The following PLEKHG1 variants were observed in gnomAD, a reference collection of about 807,000 sequenced individuals.
PLEKHG1 encodes pleckstrin homology and RhoGEF domain containing G1, also known as pleckstrin homology domain-containing family G member 1.
PLEKHG1 carries 44 observed loss-of-function variants against 100.8 expected under a neutral mutation model. That is an observed-to-expected ratio of 0.44 (90% confidence interval 0.34 to 0.56). The LOEUF (loss-of-function observed/expected upper bound fraction) is 0.56, where lower values mean the gene tolerates loss of function less well. Among genes scored for constraint, PLEKHG1 ranks in the 20% least tolerant of loss-of-function variants. The pLI is 0.01. For synonymous variants in PLEKHG1, 640 were observed against 662.5 expected (o/e 0.97, Z 0.52); for missense variants, 1,545 against 1,720.9 (o/e 0.90, Z 1.81).
At position 150,622,495 on chromosome 6, in the gene PLEKHG1, G is replaced by A. The variant is rs114758560; in HGVS notation, c.-203-15585G>A. ...TCCCAGGCAGCATAGAGCCACCTCC[G>A]GAATTCTCCCCACCCTACCACTGTT... On this transcript the variant is annotated intron_variant, in intron 1 of 3. Transcript: ENST00000367326. Among the ~76,000 whole-genome samples, 902 of 152,156 alleles carry A rather than the reference G, an allele frequency of 5.9e-3. 8 individuals are homozygous for A. Among genetic ancestry groups the A allele is most frequent in the African/African-American group, 0.021 (868 of 41,510 alleles).
Position 150,831,445 on chromosome 6 carries a change from T to C in PLEKHG1, c.2334T>C (p.Cys778=). ...GTCTGGAGGCCGACTTCGTGTGCTG[T>C]GACAGCCTGAGGCCATTTGTTTCCC... The change falls in exon 15 of 16, where the codon TGT becomes TGC. Residue 778 remains cysteine (C), a synonymous_variant. Coordinates refer to ENST00000358517, the Ensembl canonical transcript of PLEKHG1. This position sits in a 1 kb window ranked among gnomAD's most constrained non-coding sequence, Gnocchi z 4.1. 1 of 1,614,166 alleles carries C rather than the reference T, an allele frequency of 6.2e-7. No individual in the cohort carries two copies. The highest frequency in any genetic ancestry group is 8.5e-7 in the Non-Finnish European group (1 of 1,180,040).
rs779851602 is a variant in PLEKHG1 at position 150,831,909 on chromosome 6, G to A, written c.2798G>A (p.Arg933Gln). 1.2e-5 allele frequency: 19 copies of A among 1,614,010 alleles called. No individual in the cohort carries two copies. The highest frequency in any genetic ancestry group is 4.5e-5 in the East Asian group (2 of 44,880). The change falls in exon 15 of 16, where the codon CGG becomes CAG. Residue 933 changes from arginine (R) to glutamine (Q), a missense_variant. Physicochemically the swap from Arg to Gln is conservative, Grantham distance 43 (BLOSUM62 1). Coordinates refer to ENST00000358517, the Ensembl canonical transcript of PLEKHG1. This position sits in a 1 kb window ranked among gnomAD's most constrained non-coding sequence, Gnocchi z 4.1. ...GAAGGCTCCTTTATGAGCCTTAACC[G>A]GCTTTCTCTGGCTAGTGAAATGCCC...
intron 3 of PLEKHG1, among the ~76,000 whole-genome samples, chr6:150,710,769 C>G (rs1193232587): frequency 6.6e-6 from 1 of 152,168 alleles, no homozygotes; most frequent in Non-Finnish European, 1.5e-5. Context: ...GGAAGTAAAG[C>G]AGCCTGGATG....
intron 13 of PLEKHG1, among the ~76,000 whole-genome samples, 181 bp from the exon 15 acceptor site, chr6:150,823,473 T>TG (rs1776418768): frequency 6.6e-6 from 1 of 152,084 alleles, no homozygotes; most frequent in African/African-American, 2.4e-5. Context: ...TGATGTAGTG[T>TG]GGGGGTATGC....
chr6:150,838,056 C>G (rs1178732582), intron 15 of PLEKHG1, among the ~76,000 whole-genome samples: 1 of 152,192 alleles, frequency 6.6e-6, no homozygotes, highest in African/African-American at 2.4e-5. Context: ...CACACAATAA[C>G]AGGTTGTTTC....
chr6:150,766,477 G>T (rs1310220306), intron 2 of PLEKHG1, among the ~76,000 whole-genome samples: 1 of 152,186 alleles, frequency 6.6e-6, no homozygotes, highest in Non-Finnish European at 1.5e-5. Flanking sequence ...GCTAGTCTAG[G>T]GTTAAAGTAT....
At chr6:150,631,556 A>G (rs190960371) in intron 1 of PLEKHG1, among the ~76,000 whole-genome samples, 2 of 152,318 alleles carry the variant, frequency 1.3e-5, no homozygotes, top group Non-Finnish European at 2.9e-5. Flanking sequence ...TTAGGTCAAT[A>G]TGCTGGAAGT....
chr6:150,664,823 G>A (rs769770514), intron 3 of PLEKHG1, among the ~76,000 whole-genome samples: 1 of 152,132 alleles, frequency 6.6e-6, no homozygotes. Context: ...CACATTCATC[G>A]CAGAATTGGG....
chr6:150,665,833 A>G (rs754555143), intron 3 of PLEKHG1, among the ~76,000 whole-genome samples: 6 of 152,052 alleles, frequency 3.9e-5, no homozygotes, highest in African/African-American at 1.4e-4. Context: ...TTGGCCAACC[A>G]GGGGAGTTGG....
At chr6:150,788,971 A>G (rs1301939310) in intron 4 of PLEKHG1, among the ~76,000 whole-genome samples, 2 of 152,340 alleles carry the variant, frequency 1.3e-5, no homozygotes, top group Non-Finnish European at 2.9e-5. Context: ...TAGTCATATG[A>G]TTAGAGTGAA....
Position 150,620,014 on chromosome 6 carries a change from G to A in PLEKHG1, c.-203-18066G>A, listed in dbSNP as rs529010370. ...CGTTTTTGTTATCTCATTAACACCAGCATTTATGATGCTGCATTTTCTGTA... is the reference window on the plus strand; with the variant it reads ...CGTTTTTGTTATCTCATTAACACCAACATTTATGATGCTGCATTTTCTGTA... On this transcript the variant is annotated intron_variant, in intron 1 of 3. Transcript: ENST00000367326. Among the ~76,000 whole-genome samples, 3 of 152,270 alleles carry A rather than the reference G, an allele frequency of 2.0e-5. No individual in the cohort carries two copies. The South Asian group carries it at 6.2e-4, about 32-fold the overall frequency.
intron 1 of PLEKHG1, among the ~76,000 whole-genome samples, chr6:150,604,641 G>A (rs10484776): frequency 0.11 from 17,268 of 152,212 alleles, 1,245 homozygotes; most frequent in South Asian, 0.2. Context: ...ATCATAGACG[G>A]ACTTATAATC....
At chr6:150,762,150 T>G (rs1050032464) in intron 2 of PLEKHG1, among the ~76,000 whole-genome samples, 4 of 152,098 alleles carry the variant, frequency 2.6e-5, no homozygotes, top group Non-Finnish European at 5.9e-5. Flanking sequence ...AAGATCAGCC[T>G]CTGTCATATC....
chr6:150,820,360 A>G (rs1312370312), intron 12 of PLEKHG1, among the ~76,000 whole-genome samples: 1 of 152,212 alleles, frequency 6.6e-6, no homozygotes, highest in Non-Finnish European at 1.5e-5. Context: ...TATGAGTGAC[A>G]CACACAAAAG....
At chr6:150,694,489 C>G (rs1342077189) in intron 3 of PLEKHG1, among the ~76,000 whole-genome samples, 2 of 152,026 alleles carry the variant, frequency 1.3e-5, no homozygotes, top group African/African-American at 4.8e-5. Flanking sequence ...CACCTGAGAT[C>G]CGGAGTTGGA....
intron 4 of PLEKHG1, among the ~76,000 whole-genome samples, chr6:150,792,439 C>G (rs1786045003): frequency 1.3e-5 from 2 of 151,490 alleles, no homozygotes; most frequent in Non-Finnish European, 2.9e-5. Context: ...TCTGGGAGGC[C>G]AAGGCAGGCG....
rs555025987 is a variant in PLEKHG1, at chr6:150,690,285, A to G, written c.-99+39499A>G. Among the ~76,000 whole-genome samples, 17 of 151,696 alleles carry G rather than the reference A, an allele frequency of 1.1e-4. No individual in the cohort carries two copies. In the East Asian group the frequency reaches 3.3e-3, roughly 30 times the overall value. ...TACATGAGTAAGTTCTTTAGTGGAG[A>G]TGTGTGGGATCCTGGTGCGCCCATC... On this transcript the variant is annotated intron_variant, in intron 3 of 3. Coordinates refer to the PLEKHG1 transcript ENST00000367326.
chr6:150,827,739 T>C (rs969225711), intron 14 of PLEKHG1: 51 of 1,374,284 alleles, frequency 3.7e-5, no homozygotes, highest in Non-Finnish European at 5.2e-5. Flanking sequence ...AAGGAAAGAA[T>C]TGGAAGAATT....
At chr6:150,754,401 T>C (rs1040912942) in intron 2 of PLEKHG1, among the ~76,000 whole-genome samples, 2 of 152,102 alleles carry the variant, frequency 1.3e-5, no homozygotes, top group African/African-American at 4.8e-5. Flanking sequence ...CCAGGAGGCA[T>C]GACATCAAAT....
Sources: allele counts gnomAD v4.1 joint callset (sites outside exome capture counted in the v4.1 genomes callset), GRCh38; gene constraint gnomAD v4.1.1; non-coding constraint Gnocchi (gnomAD v3.1); transcripts MANE v1.5; gene names NCBI Gene and HGNC (gene_info 2026-07-23, HGNC 2026-07-21).